The following EFCAB8 variants were observed in gnomAD, a reference collection of about 807,000 sequenced individuals.
EFCAB8 encodes EF-hand calcium binding domain 8.
Under a neutral mutation model 116.3 loss-of-function variants are expected in EFCAB8, and 100 were observed. That is an observed-to-expected ratio of 0.86 (90% CI 0.73 to 1.02). The LOEUF is 1.02. EFCAB8 is among the 50% of genes least tolerant of loss of function. The pLI, the probability that EFCAB8 is intolerant of heterozygous loss-of-function variation, is 0.00. For missense variants in EFCAB8, 1,320 were observed against 1,416.9 expected (o/e 0.93, Z 1.10); for synonymous variants, 558 against 567.9 (o/e 0.98, Z 0.25).
intron 16 of EFCAB8, among the ~76,000 whole-genome samples, chr20:32,912,258 G>A (rs1986964075): frequency 6.6e-6 from 1 of 151,944 alleles, no homozygotes; most frequent in African/African-American, 2.4e-5. Context: ...CTAATATGGT[G>A]AAACTCCCGT....
intron 3 of EFCAB8, among the ~76,000 whole-genome samples, chr20:32,874,363 C>T (rs1436887878): frequency 6.6e-6 from 1 of 152,146 alleles, no homozygotes; most frequent in Non-Finnish European, 1.5e-5. Context: ...GCTGGGACTA[C>T]AGGCTCACGC....
chr20:32,911,617 G>C lies in EFCAB8; in HGVS notation c.1695G>C (p.Leu565=). 1 of 1,551,714 alleles carries C rather than the reference G, an allele frequency of 6.4e-7. No homozygotes were observed. Among genetic ancestry groups the C allele is most frequent in the Non-Finnish European group, 8.7e-7 (1 of 1,146,972 alleles). Residue 565 remains leucine, a synonymous_variant, in exon 16 of 27, where the codon CTG becomes CTC. Coordinates refer to ENST00000400522, the MANE Select transcript of EFCAB8 (RefSeq NM_001143967.2). ...CCCTGGATGAGTCAGAGCGGTGCCT[G>C]CTCACAGGTTTGCGGGATGGCACAA... ...AMALDESERC[L]LTGLRDGTMK...
At chr20:32,885,801 A>G (rs967522747) in intron 6 of EFCAB8, among the ~76,000 whole-genome samples, 161 bp downstream of exon 6, 4 of 152,100 alleles carry the variant, frequency 2.6e-5, no homozygotes, top group Non-Finnish European at 4.4e-5. Context: ...TCACTGTGGG[A>G]GCCACACATT....
At chr20:32,918,645 G>A (rs550222740) in intron 19 of EFCAB8, 71 bp downstream of exon 19, 145 of 1,438,512 alleles carry the variant, frequency 1.0e-4, no homozygotes, top group Middle Eastern at 4.3e-4. Flanking sequence ...CCGTCTGTGT[G>A]TGTGTTTTCT....
At chr20:32,864,630 G>A (rs1984296509) in intron 2 of EFCAB8, among the ~76,000 whole-genome samples, 1 of 152,024 alleles carries the variant, frequency 6.6e-6, no homozygotes, top group African/African-American at 2.4e-5. Context: ...ACACACCCGA[G>A]CCCCCTGATG....
chr20:32,920,899 C>T (rs1987420569), intron 20 of EFCAB8, among the ~76,000 whole-genome samples: 1 of 152,156 alleles, frequency 6.6e-6, no homozygotes, highest in Non-Finnish European at 1.5e-5. Flanking sequence ...TTAGAATGCC[C>T]TCCTGTTAAC....
chr20:32,955,827 AT>A (rs1988950335), intron 23 of EFCAB8, among the ~76,000 whole-genome samples: 1 of 152,030 alleles, frequency 6.6e-6, no homozygotes, highest in South Asian at 2.1e-4. Flanking sequence ...CTGTTTCTCT[AT>A]TTTTTGTTAA....
At chr20:32,950,796 T>A (rs1202851893) in intron 23 of EFCAB8, among the ~76,000 whole-genome samples, 1 of 152,192 alleles carries the variant, frequency 6.6e-6, no homozygotes, top group Non-Finnish European at 1.5e-5. Context: ...TCCCCCTCCC[T>A]CTGTGCCCAA....
intron 22 of EFCAB8, among the ~76,000 whole-genome samples, chr20:32,931,858 G>A (rs150906963): frequency 6.6e-6 from 1 of 152,306 alleles, no homozygotes; most frequent in Non-Finnish European, 1.5e-5. Flanking sequence ...AAATTACAGT[G>A]TAATATCTGG....
chr20:32,914,506 G>C (rs1987091576), intron 17 of EFCAB8, among the ~76,000 whole-genome samples: 2 of 152,180 alleles, frequency 1.3e-5, no homozygotes, highest in South Asian at 4.1e-4. Flanking sequence ...AAGAATGCCT[G>C]AGACTGGATA....
At chr20:32,866,878 C>A (rs576917300) in intron 2 of EFCAB8, among the ~76,000 whole-genome samples, 89 of 146,016 alleles carry the variant, frequency 6.1e-4, no homozygotes, top group African/African-American at 2.2e-3. Flanking sequence ...TCTTTCCTTC[C>A]TTCCTTCCTT....
chr20:32,920,097 G>C lies in EFCAB8; in HGVS notation c.2294G>C (p.Gly765Ala). ...TTCCAGAAACCTTCCAGTGCTTCTG[G>C]CACATCCAGGCAGTCAAGCAAGATC... ...VPQQKPSSAS[G>A]TSRQSSKIHS... Residue 765 changes from glycine to alanine, a missense_variant, in exon 20 of 27, where the codon GGC (glycine) becomes GCC (alanine). Coordinates refer to ENST00000400522, the MANE Select transcript of EFCAB8 (RefSeq NM_001143967.2). The C allele has an allele frequency of 6.4e-7, 1 of 1,551,652 alleles. No individual in the cohort carries two copies. Among genetic ancestry groups the C allele is most frequent in the Non-Finnish European group, 8.7e-7 (1 of 1,146,996 alleles).
chr20:32,961,689 AC>A lies in EFCAB8; in HGVS notation c.*82del. On this transcript the variant is annotated 3_prime_UTR_variant, in exon 27 of 27. Coordinates refer to ENST00000400522, the MANE Select transcript of EFCAB8 (RefSeq NM_001143967.2). ...CCTGCATGTTCTCGGCTTATTCCCT[AC>A]CAGACCCAGAGGATGTGGCTCTTCC... 1 of 869,608 alleles carries A rather than the reference AC, an allele frequency of 1.1e-6. No individual in the cohort carries two copies. Among genetic ancestry groups the A allele is most frequent in the Non-Finnish European group, 1.5e-6 (1 of 648,210 alleles). 53.9% of individuals were successfully genotyped at this position (869,608 alleles called of 1,614,324 possible).
chr20:32,946,075 G>A (rs1988587301), intron 23 of EFCAB8, among the ~76,000 whole-genome samples: 1 of 152,192 alleles, frequency 6.6e-6, no homozygotes, highest in Non-Finnish European at 1.5e-5. Context: ...AGGAGAAGCT[G>A]GAAGTTGGGT....
chr20:32,932,376 C>CAAA (rs11483513), intron 22 of EFCAB8, among the ~76,000 whole-genome samples: 1 of 149,720 alleles, frequency 6.7e-6, no homozygotes, highest in African/African-American at 2.4e-5. Context: ...GACTCTGTCT[C>CAAA]AAAAAAAAAA....
At position 32,889,277 on chromosome 20, in the gene EFCAB8, CT is replaced by C. The variant is rs567291854; in HGVS notation, c.568-23del. The C allele has an allele frequency of 3.2e-4, 492 of 1,549,680 alleles. 1 individual carries two copies. In the African/African-American group the frequency reaches 4.4e-3, roughly 14 times the overall value. ...GGCCTGAGTATGCGTCCCAGCCCATCTCCTCTGCTCTTCCTCTGGCCAGCTT... is the reference window on the plus strand; with the variant it reads ...GGCCTGAGTATGCGTCCCAGCCCATCCCTCTGCTCTTCCTCTGGCCAGCTT... On this transcript the variant is annotated intron_variant, in intron 6 of 26. Transcript: ENST00000400522.
At chr20:32,894,143 C>CA (rs1230802005) in intron 9 of EFCAB8, among the ~76,000 whole-genome samples, 1 of 152,208 alleles carries the variant, frequency 6.6e-6, no homozygotes, top group Non-Finnish European at 1.5e-5. Flanking sequence ...CTTGCATGCA[C>CA]AGTGCTGGCT....
chr20:32,860,855 C>G (rs1166157482), intron 1 of EFCAB8, among the ~76,000 whole-genome samples: 2 of 152,074 alleles, frequency 1.3e-5, no homozygotes, highest in African/African-American at 4.8e-5. Flanking sequence ...CCTCCCATCT[C>G]ACCCTCTTGA....
In EFCAB8 at chr20:32,938,390, A is replaced by G. The variant is rs1259230009; in HGVS notation, c.2791-5246A>G. Among the ~76,000 whole-genome samples, 6 of 150,020 alleles carry G rather than the reference A, an allele frequency of 4.0e-5. 1 individual carries two copies. Among genetic ancestry groups the G allele is most frequent in the East Asian group, 3.9e-4 (2 of 5,150 alleles). On this transcript the variant is annotated intron_variant, in intron 22 of 26. Coordinates refer to ENST00000400522, the MANE Select transcript of EFCAB8 (RefSeq NM_001143967.2). The stretch of plus-strand genomic sequence containing the variant: ...ATATTAAATACTTTCCTGTAAAATC[A>G]GAAATAAAACAAGAATGGTTACTCT...
Sources: gnomAD v4.1 joint callset for allele counts (sites outside exome capture counted in the v4.1 genomes callset) on GRCh38, gnomAD v4.1.1 for gene constraint, MANE v1.5 for transcripts, NCBI Gene and HGNC (gene_info 2026-07-23, HGNC 2026-07-21) for gene names.